SH3KBP1: variants seen among roughly 807,000 people sequenced by gnomAD.
The protein encoded by SH3KBP1 is SH3 domain-containing kinase-binding protein 1.
SH3KBP1 carries 8 observed loss-of-function variants against 50.1 expected under a neutral mutation model. That is an observed-to-expected ratio of 0.16 (90% CI 0.09 to 0.29). The LOEUF is 0.29. Among genes scored for constraint, SH3KBP1 ranks in the 10% least tolerant of loss-of-function variants. The pLI, the probability that SH3KBP1 is intolerant of heterozygous loss-of-function variation, is 1.00. For synonymous variants in SH3KBP1, 227 were observed against 218.6 expected (o/e 1.04, Z -0.34); for missense variants, 377 against 535.2 (o/e 0.70, Z 2.92).
intron 6 of SH3KBP1, among the ~76,000 whole-genome samples, chrX:19,677,062 C>T (rs1351893334): frequency 6.2e-5 from 7 of 112,053 alleles, no homozygotes; most frequent in Non-Finnish European, 1.3e-4. Context: ...AAAAAGACTA[C>T]TTTTTCCAAT....
rs763272641 is a variant in SH3KBP1, at chrX:19,694,472, C to G, written c.520+1140G>C. On this transcript the variant is annotated intron_variant, in intron 5 of 17. Transcript: ENST00000397821. The stretch of plus-strand genomic sequence containing the variant: ...AGCTCCAAGACACCTCGTTTCCCCC[C>G]CCAACCCCTTCCAGTGCTTCCTACC... 1.5e-4 allele frequency among the ~76,000 whole-genome samples: 17 copies of G among 110,892 alleles called. No individual in the cohort carries two copies. The South Asian group carries it at 6.2e-3, about 41-fold the overall frequency.
rs190514472 is a variant in SH3KBP1, at chrX:19,606,670, T to C, written c.1005+1268A>G. On this transcript the variant is annotated intron_variant, in intron 9 of 17. Transcript: ENST00000397821. The stretch of plus-strand genomic sequence containing the variant: ...TACACTAGTGCTTCCTATACTGTAA[T>C]ATGCAAGCAAATCACCAGAGAACGC... Among the ~76,000 whole-genome samples the C allele has an allele frequency of 3.1e-3, 343 of 112,141 alleles. 1 individual carries two copies. Among genetic ancestry groups the C allele is most frequent in the Admixed American group, 6.9e-3 (73 of 10,571 alleles).
intron 13 of SH3KBP1, among the ~76,000 whole-genome samples, chrX:19,554,355 T>TATCATATTAAAATATAA (rs57147215): frequency 1.2e-3 from 104 of 85,516 alleles, no homozygotes; most frequent in African/African-American, 5.3e-3. Flanking sequence ...TATTAATATA[T>TATCATATTAAAATATAA]TATATATCAT....
intron 1 of SH3KBP1, among the ~76,000 whole-genome samples, chrX:19,861,824 T>C (rs1274147991): frequency 8.9e-6 from 1 of 112,102 alleles, no homozygotes; most frequent in Non-Finnish European, 1.9e-5. Context: ...GGTGAAGAAC[T>C]CTCTGGTGAA....
chrX:19,869,329 G>A (rs1288577310), intron 1 of SH3KBP1, among the ~76,000 whole-genome samples: 1 of 112,709 alleles, frequency 8.9e-6, no homozygotes, highest in Non-Finnish European at 1.9e-5. Flanking sequence ...GCTGGAGCCT[G>A]TTTCCTCAGA....
At chrX:19,600,861 CAG>C (rs1218848050) in intron 9 of SH3KBP1, among the ~76,000 whole-genome samples, 2 of 111,018 alleles carry the variant, frequency 1.8e-5, no homozygotes, top group Non-Finnish European at 3.8e-5. Flanking sequence ...TAAAAAAAAA[CAG>C]TGGATATTAA....
chrX:19,830,851 TA>T (rs1306100524), intron 2 of SH3KBP1, among the ~76,000 whole-genome samples: 1 of 109,831 alleles, frequency 9.1e-6, no homozygotes, highest in African/African-American at 3.5e-5. Flanking sequence ...AATAAATAAA[TA>T]AGGACAAACT....
At chrX:19,663,778 T>C (rs6654068) in intron 6 of SH3KBP1, among the ~76,000 whole-genome samples, 10,919 of 111,666 alleles carry the variant, frequency 0.098, 1,214 homozygotes, top group African/African-American at 0.33. Context: ...ATCTGATCAC[T>C]ATGCTTCAAG....
chrX:19,605,174 C>G (rs1445588167), intron 9 of SH3KBP1, among the ~76,000 whole-genome samples: 1 of 110,556 alleles, frequency 9.0e-6, no homozygotes, highest in African/African-American at 3.3e-5. Context: ...TGCCCCCCCC[C>G]AAGACATGAC....
At chrX:19,580,911 T>G (rs1282748285) in intron 12 of SH3KBP1, among the ~76,000 whole-genome samples, 1 of 111,626 alleles carries the variant, frequency 9.0e-6, no homozygotes, top group East Asian at 2.8e-4. Context: ...CTACCATCTA[T>G]AAGCCAATGG....
intron 3 of SH3KBP1, among the ~76,000 whole-genome samples, chrX:19,745,432 G>T (rs2064889484): frequency 8.9e-6 from 1 of 112,321 alleles, no homozygotes; most frequent in Non-Finnish European, 1.9e-5. Context: ...TTTTATGAAA[G>T]ATTAGCTGTT....
At chrX:19,721,599 T>C (rs754484050) in intron 3 of SH3KBP1, among the ~76,000 whole-genome samples, 1 of 111,926 alleles carries the variant, frequency 8.9e-6, no homozygotes, top group Non-Finnish European at 1.9e-5. Flanking sequence ...TTTTATTCAT[T>C]TACCAACATT....
intron 2 of SH3KBP1, among the ~76,000 whole-genome samples, chrX:19,819,700 C>T (rs1439934384): frequency 9.0e-6 from 1 of 110,957 alleles, no homozygotes. Flanking sequence ...TGTTGTTTTT[C>T]TGTTTTCACC....
chrX:19,700,049 C>G (rs2063507004), intron 4 of SH3KBP1, among the ~76,000 whole-genome samples: 1 of 111,432 alleles, frequency 9.0e-6, no homozygotes, highest in Admixed American at 9.5e-5. Flanking sequence ...GATACCCAAA[C>G]CCCAGTCAGA....
intron 3 of SH3KBP1, among the ~76,000 whole-genome samples, chrX:19,722,634 G>A (rs1279069292): frequency 5.7e-5 from 6 of 105,266 alleles, no homozygotes; most frequent in Admixed American, 3.1e-4. Flanking sequence ...AGTGCCTGCC[G>A]GGCTGCAAGC....
At chrX:19,699,916 A>G in intron 4 of SH3KBP1, among the ~76,000 whole-genome samples, 1 of 111,714 alleles carries the variant, frequency 9.0e-6, no homozygotes, top group Non-Finnish European at 1.9e-5. Flanking sequence ...TTACCTGTCA[A>G]CTGGACTGAG....
intron 13 of SH3KBP1, among the ~76,000 whole-genome samples, chrX:19,555,517 T>C (rs2065461561): frequency 8.9e-6 from 1 of 112,137 alleles, no homozygotes; most frequent in Non-Finnish European, 1.9e-5. Flanking sequence ...GCAGAGTTCT[T>C]TGGGAGCTCC....
intron 2 of SH3KBP1, among the ~76,000 whole-genome samples, chrX:19,826,026 T>A (rs1429706373): frequency 8.9e-6 from 1 of 112,111 alleles, no homozygotes; most frequent in African/African-American, 3.2e-5. Flanking sequence ...TTGAATAGAA[T>A]GCAGCCATTA....
intron 1 of SH3KBP1, among the ~76,000 whole-genome samples, chrX:19,858,639 C>T (rs752863326): frequency 8.9e-6 from 1 of 112,024 alleles, no homozygotes; most frequent in Admixed American, 9.5e-5. Context: ...AAAACAAAAT[C>T]TCTAAAGATG....
Sources: allele counts gnomAD v4.1 joint callset (sites outside exome capture counted in the v4.1 genomes callset), GRCh38; gene constraint gnomAD v4.1.1; transcripts MANE v1.5; gene names NCBI Gene and HGNC (gene_info 2026-07-23, HGNC 2026-07-21).